CCDC73: variants seen among roughly 807,000 people sequenced by gnomAD.
CCDC73 encodes the protein coiled-coil domain containing 73.
A neutral mutation model predicts 116.5 loss-of-function variants in CCDC73; 95 were observed. The ratio of observed to expected loss-of-function variants is 0.82; its 90% CI spans 0.69 to 0.97. The LOEUF is 0.97. Among genes scored for constraint, CCDC73 ranks in the 50% least tolerant of loss-of-function variants. CCDC73 has a pLI of 0.00. For missense variants in CCDC73, 1,066 were observed against 1,206.8 expected, an observed-to-expected ratio of 0.88 and a Z score of 1.73; for synonymous variants, 398 against 401.3, an observed-to-expected ratio of 0.99 and a Z score of 0.10.
At chr11:32,624,044 A>G (rs1026840657) in intron 14 of CCDC73, among the ~76,000 whole-genome samples, 4 of 152,096 alleles carry the variant, frequency 2.6e-5, no homozygotes, top group African/African-American at 4.8e-5. Context: ...GTCAAAAATT[A>G]TAAGTGAGAG....
At chr11:32,793,494 C>A (rs1850694319) in intron 1 of CCDC73, among the ~76,000 whole-genome samples, 1 of 152,188 alleles carries the variant, frequency 6.6e-6, no homozygotes. Context: ...TTCACATTTT[C>A]TTTCTAAAAG....
At chr11:32,689,348 C>A (rs2133301738) in intron 6 of CCDC73, among the ~76,000 whole-genome samples, 1 of 152,114 alleles carries the variant, frequency 6.6e-6, no homozygotes, top group South Asian at 2.1e-4. Flanking sequence ...TCCACAAGTT[C>A]ATCAGAAAAA....
intron 13 of CCDC73, among the ~76,000 whole-genome samples, chr11:32,639,943 T>C (rs1190207311): frequency 2.0e-5 from 3 of 152,182 alleles, no homozygotes; most frequent in East Asian, 3.8e-4. Flanking sequence ...AGCATAGTAT[T>C]TTCTTTCACT....
intron 1 of CCDC73, among the ~76,000 whole-genome samples, chr11:32,790,700 T>C (rs1202838178): frequency 1.3e-5 from 2 of 152,044 alleles, no homozygotes; most frequent in Non-Finnish European, 2.9e-5. Context: ...TATATATAAA[T>C]TTTAGAAATT....
chr11:32,614,381 CTA>C lies in CCDC73; in HGVS notation c.1935_1936del (p.Tyr645Ter). 6.2e-7 allele frequency: 1 copy of C among 1,612,856 alleles called. No individual in the cohort carries two copies. Among genetic ancestry groups the C allele is most frequent in the South Asian group, 1.1e-5 (1 of 91,038 alleles). ...CATAACATTACTTGAATTCCGTAAACTATATTTCTGACATGGAACAGGATTTT... is the reference window on the plus strand; with the variant it reads ...CATAACATTACTTGAATTCCGTAAACTATTTCTGACATGGAACAGGATTTT... On this transcript the variant is annotated stop_gained and frameshift_variant, in exon 16 of 18. Transcript: ENST00000335185. LOFTEE classifies it high-confidence loss of function.
intron 2 of CCDC73, among the ~76,000 whole-genome samples, chr11:32,733,235 T>C (rs543905453): frequency 7.9e-5 from 12 of 152,180 alleles, no homozygotes; most frequent in Non-Finnish European, 1.8e-4. Context: ...TAAATATATA[T>C]GCACCTAATT....
At chr11:32,776,936 A>AAAAAAT (rs1341535562) in intron 1 of CCDC73, among the ~76,000 whole-genome samples, 17 of 36,470 alleles carry the variant, frequency 4.7e-4, no homozygotes, top group African/African-American at 1.3e-3. Context: ...AAAAAAAAAA[A>AAAAAAT]ATATATATAT....
the CCDC73 span, chr11:32,830,137 G>C: frequency 1.0e-6 from 1 of 1,003,852 alleles, no homozygotes; most frequent in Non-Finnish European, 1.2e-6. Context: ...AGAGCCTCTG[G>C]CCCGGGGGCT....
At chr11:32,728,960 C>A (rs1850052722) in intron 2 of CCDC73, among the ~76,000 whole-genome samples, 1 of 151,944 alleles carries the variant, frequency 6.6e-6, no homozygotes, top group East Asian at 1.9e-4. Flanking sequence ...CCGCCTTGGC[C>A]TTCCAAAGTG....
At chr11:32,615,296 A>G (rs1033793053) in intron 15 of CCDC73, among the ~76,000 whole-genome samples, 3 of 152,190 alleles carry the variant, frequency 2.0e-5, no homozygotes, top group African/African-American at 7.2e-5. Flanking sequence ...ACATAAATAC[A>G]TAGCTGATAA....
chr11:32,828,948 T>C, the CCDC73 span, among the ~76,000 whole-genome samples: 8 of 152,200 alleles, frequency 5.3e-5, no homozygotes, highest in Admixed American at 5.2e-4. Context: ...ATAGCTATCC[T>C]AGTAGATATG....
chr11:32,733,490 T>C (rs975627393), intron 2 of CCDC73, among the ~76,000 whole-genome samples: 6 of 152,148 alleles, frequency 3.9e-5, no homozygotes, highest in Non-Finnish European at 7.4e-5. Context: ...CACATCACAC[T>C]TATTCCAAAA....
rs548800491 is a variant in CCDC73 at position 32,623,453 on chromosome 11, T to C, written c.1186-7324A>G. The stretch of plus-strand genomic sequence containing the variant: ...CTCATGGTAGTCTCAGCTTCCCAGG[T>C]TCAAGTGCTCCTCTTACCTCCCTAG... On this transcript the variant is annotated intron_variant, in intron 14 of 17. Coordinates refer to ENST00000335185, the MANE Select transcript of CCDC73 (RefSeq NM_001008391.4). 1.9e-3 allele frequency among the ~76,000 whole-genome samples: 294 copies of C among 152,222 alleles called. 5 individuals carry two copies. The highest frequency in any genetic ancestry group is 9.7e-4 in the Non-Finnish European group (66 of 68,026).
intron 9 of CCDC73, among the ~76,000 whole-genome samples, chr11:32,655,497 C>T (rs1008524069): frequency 5.3e-5 from 8 of 152,090 alleles, no homozygotes; most frequent in African/African-American, 1.9e-4. Context: ...GTAGGCATTC[C>T]AGGCAAAAGG....
chr11:32,609,757 TA>T (rs1855396193), intron 17 of CCDC73, among the ~76,000 whole-genome samples: 1 of 152,090 alleles, frequency 6.6e-6, no homozygotes, highest in Admixed American at 6.6e-5. Flanking sequence ...GGAGGCCTCA[TA>T]ATCATGGTGG....
At chr11:32,686,647 C>T (rs1362534658) in intron 6 of CCDC73, among the ~76,000 whole-genome samples, 2 of 152,076 alleles carry the variant, frequency 1.3e-5, no homozygotes, top group Non-Finnish European at 2.9e-5. Context: ...AGCAAATTTA[C>T]CACATTATTT....
intron 9 of CCDC73, among the ~76,000 whole-genome samples, chr11:32,671,593 TC>T (rs1355888539): frequency 2.6e-5 from 4 of 152,116 alleles, no homozygotes; most frequent in African/African-American, 9.7e-5. Flanking sequence ...AACAAGCTTT[TC>T]CCAAAGTTAA....
upstream of CCDC73, among the ~76,000 whole-genome samples, chr11:32,798,128 T>G (rs967216665): frequency 6.6e-6 from 1 of 152,248 alleles, no homozygotes; most frequent in African/African-American, 2.4e-5. Context: ...GTTGTGTATG[T>G]GCAAATATTT....
At chr11:32,794,085 C>G (rs565107926) in intron 1 of CCDC73, among the ~76,000 whole-genome samples, 25 of 152,162 alleles carry the variant, frequency 1.6e-4, no homozygotes, top group Non-Finnish European at 3.4e-4. Context: ...TCTGCAACTG[C>G]GCTAGAACTT....
Sources: allele counts gnomAD v4.1 joint callset (sites outside exome capture counted in the v4.1 genomes callset), GRCh38; gene constraint gnomAD v4.1.1; transcripts MANE v1.5; gene names NCBI Gene and HGNC (gene_info 2026-07-23, HGNC 2026-07-21).